DLGAP1: variants seen among roughly 807,000 people sequenced by gnomAD.
DLGAP1 encodes the protein disks large-associated protein 1.
In DLGAP1, 11 loss-of-function variants were observed where a neutral mutation model predicts 90.8. The observed-to-expected ratio is 0.12, with a 90% confidence interval of 0.08 to 0.20. The LOEUF (loss-of-function observed/expected upper bound fraction) is 0.20. Among genes scored for constraint, DLGAP1 ranks in the 10% least tolerant of loss-of-function variants. DLGAP1 has a pLI of 1.00. For synonymous variants in DLGAP1, 558 were observed against 540.7 expected, an observed-to-expected ratio of 1.03 and a Z score of -0.44; for missense variants, 1,050 against 1,333.8, an observed-to-expected ratio of 0.79 and a Z score of 3.31.
chr18:4,082,304 TGCACTCCAGCC>T (rs1171003853), intron 2 of DLGAP1, among the ~76,000 whole-genome samples: 2 of 139,818 alleles, frequency 1.4e-5, no homozygotes, highest in Admixed American at 1.5e-4. Flanking sequence ...ATTGCACCAT[TGCACTCCAGCC>T]TGGGCGACAG....
chr18:3,854,093 T>C (rs1344313100), intron 4 of DLGAP1, among the ~76,000 whole-genome samples: 1 of 152,198 alleles, frequency 6.6e-6, no homozygotes, highest in Admixed American at 6.5e-5. Flanking sequence ...AATAAATGCA[T>C]ATTAAGTTTA....
intron 9 of DLGAP1, among the ~76,000 whole-genome samples, chr18:3,547,986 C>T (rs966633328): frequency 6.6e-6 from 1 of 152,090 alleles, no homozygotes; most frequent in Non-Finnish European, 1.5e-5. Flanking sequence ...ATGAAGGAGG[C>T]TACACACAAA....
chr18:4,300,789 G>A (rs1321435672), intron 1 of DLGAP1, among the ~76,000 whole-genome samples: 1 of 152,066 alleles, frequency 6.6e-6, no homozygotes, highest in Non-Finnish European at 1.5e-5. Context: ...TGACTTGTAA[G>A]GATTTGTTAT....
intron 1 of DLGAP1, among the ~76,000 whole-genome samples, chr18:4,296,143 T>A (rs1265800273): frequency 6.6e-6 from 1 of 152,194 alleles, no homozygotes; most frequent in Non-Finnish European, 1.5e-5. Context: ...TAGCCACACA[T>A]TATGGCCCCA....
At chr18:3,838,312 AGTT>A (rs1739576700) in intron 4 of DLGAP1, among the ~76,000 whole-genome samples, 1 of 152,226 alleles carries the variant, frequency 6.6e-6, no homozygotes, top group South Asian at 2.1e-4. Context: ...AGATTCTTTC[AGTT>A]GTTAAGAAAT....
At chr18:4,298,899 G>A (rs1380655660) in intron 1 of DLGAP1, among the ~76,000 whole-genome samples, 4 of 151,938 alleles carry the variant, frequency 2.6e-5, no homozygotes, top group Non-Finnish European at 5.9e-5. Flanking sequence ...GGCCAACATG[G>A]TGAAACCCCG....
intron 4 of DLGAP1, among the ~76,000 whole-genome samples, chr18:3,863,659 TGG>T (rs1209642088): frequency 6.6e-6 from 1 of 152,188 alleles, no homozygotes; most frequent in African/African-American, 2.4e-5. Flanking sequence ...GCTGAGTGCA[TGG>T]ATGCGATGTG....
At chr18:3,867,046 G>T (rs1386953221) in intron 4 of DLGAP1, among the ~76,000 whole-genome samples, 1 of 152,104 alleles carries the variant, frequency 6.6e-6, no homozygotes, top group East Asian at 1.9e-4. Context: ...TAGAGACGGG[G>T]TTTCACTATG....
At chr18:4,294,435 T>G (rs1042276224) in intron 1 of DLGAP1, 3 of 152,254 alleles carry the variant, frequency 2.0e-5, no homozygotes, top group African/African-American at 7.2e-5. Flanking sequence ...GAGAGTTCCC[T>G]GGTCCCCCTC....
chr18:4,430,305 T>C (rs148431377), intron 1 of DLGAP1, among the ~76,000 whole-genome samples: 15 of 152,312 alleles, frequency 9.8e-5, no homozygotes, highest in Admixed American at 4.6e-4. Context: ...TAAGGATGTA[T>C]AGTTTATAGC....
intron 2 of DLGAP1, among the ~76,000 whole-genome samples, chr18:4,070,001 G>C (rs1216974139): frequency 7.4e-6 from 1 of 135,114 alleles, no homozygotes; most frequent in Non-Finnish European, 1.6e-5. Flanking sequence ...TTTTTTTTTT[G>C]AGACAGGGTC....
At chr18:3,978,354 CTCATT>C in intron 3 of DLGAP1, 2 of 343,244 alleles carry the variant, frequency 5.8e-6, no homozygotes, top group Admixed American at 3.2e-5. Flanking sequence ...CCAGCATCAT[CTCATT>C]TAATTTTCGT....
At chr18:3,624,210 A>G (rs2058208372) in intron 7 of DLGAP1, among the ~76,000 whole-genome samples, 1 of 152,126 alleles carries the variant, frequency 6.6e-6, no homozygotes, top group Non-Finnish European at 1.5e-5. Context: ...TGGCCAGGAG[A>G]CAACGGGCGC....
intron 1 of DLGAP1, among the ~76,000 whole-genome samples, chr18:4,237,586 T>G (rs1220820482): frequency 6.6e-6 from 1 of 152,096 alleles, no homozygotes; most frequent in Admixed American, 6.6e-5. Context: ...CTCTTCAAAT[T>G]TGTTAGTTTC....
intron 4 of DLGAP1, chr18:3,874,773 T>C: frequency 7.1e-7 from 1 of 1,414,366 alleles, no homozygotes; most frequent in Non-Finnish European, 9.2e-7. Context: ...ACAGCAGACA[T>C]CTGATTCTTG....
rs535075422 is a variant in DLGAP1, at chr18:3,571,486, C to T, written c.1966-3905G>A. 4 of 152,158 alleles carry T rather than the reference C, an allele frequency of 2.6e-5. No homozygotes were observed. In the East Asian group the frequency reaches 7.9e-4, roughly 30 times the overall value. The allele number at this position is 152,158 out of a possible 1,614,324, so 9.4% of individuals were successfully genotyped here. On this transcript the variant is annotated intron_variant, in intron 8 of 12. Coordinates refer to ENST00000315677, the MANE Select transcript of DLGAP1 (RefSeq NM_004746.4). ...GCCTAAGCCCCCTGAGTAGTTGAGA[C>T]ACAGGTGTGCATGACCATGCATGGA...
intron 1 of DLGAP1, among the ~76,000 whole-genome samples, chr18:4,434,278 G>C (rs1363352142): frequency 6.6e-6 from 1 of 151,890 alleles, no homozygotes; most frequent in South Asian, 2.1e-4. Context: ...GCATCTTTGA[G>C]CACAATGAAA....
At chr18:3,978,242 A>G in intron 3 of DLGAP1, 1 of 420,830 alleles carries the variant, frequency 2.4e-6, no homozygotes, top group South Asian at 1.9e-5. Flanking sequence ...GCCCATCAGC[A>G]GAGGGGGCAG....
intron 1 of DLGAP1, among the ~76,000 whole-genome samples, chr18:4,222,775 T>C (rs2078104538): frequency 6.7e-6 from 1 of 150,266 alleles, no homozygotes; most frequent in Non-Finnish European, 1.5e-5. Flanking sequence ...AAGGCTGAGA[T>C]GCAAGAATAA....
Sources: gnomAD v4.1 joint callset for allele counts (sites outside exome capture counted in the v4.1 genomes callset) on GRCh38, gnomAD v4.1.1 for gene constraint, MANE v1.5 for transcripts, NCBI Gene and HGNC (gene_info 2026-07-23, HGNC 2026-07-21) for gene names.